Variants in TLN2 observed in about 807,000 individuals in gnomAD.
TLN2 encodes the protein talin 2.
A neutral mutation model predicts 294.7 loss-of-function variants in TLN2; 118 were observed. The ratio of observed to expected loss-of-function variants is 0.40; its 90% CI spans 0.34 to 0.47. The LOEUF is 0.47. Among genes scored for constraint, TLN2 ranks in the 20% least tolerant of loss-of-function variants. The pLI is 0.84. For missense variants in TLN2, 3,083 were observed against 3,282.2 expected (o/e 0.94, Z 1.48); for synonymous variants, 1,431 against 1,304.5 (o/e 1.10, Z -2.09).
intron 3 of TLN2, among the ~76,000 whole-genome samples, chr15:62,646,062 C>T (rs1430221445): frequency 3.3e-5 from 5 of 152,180 alleles, no homozygotes; most frequent in Non-Finnish European, 7.3e-5. Context: ...AGGAAAAACA[C>T]TGAGTTGTTG....
At chr15:62,604,537 A>G (rs1431864869) in intron 2 of TLN2, among the ~76,000 whole-genome samples, 1 of 150,118 alleles carries the variant, frequency 6.7e-6, no homozygotes, top group Non-Finnish European at 1.5e-5. Flanking sequence ...AAAAAAAAAA[A>G]AAAAAAAAAG....
At chr15:62,576,060 T>A (rs1314401368) in intron 1 of TLN2, among the ~76,000 whole-genome samples, 1 of 152,154 alleles carries the variant, frequency 6.6e-6, no homozygotes, top group Non-Finnish European at 1.5e-5. Context: ...GTGGGGTGAT[T>A]ATGTGATATT....
chr15:62,733,071 G>A (rs2060817456), intron 28 of TLN2, among the ~76,000 whole-genome samples: 1 of 152,126 alleles, frequency 6.6e-6, no homozygotes, highest in African/African-American at 2.4e-5. Flanking sequence ...AACAGGGAGT[G>A]GTAGAGTGAG....
rs1442197889 is a variant in TLN2 at position 62,841,792 on chromosome 15, T to TA, written c.*1183dup. Reference sequence around the variant, plus strand: ...CCATAGGAAGGGAAGGGCTTGAATTTACCCTTAATCTGCACCTTTAGCCAA... The same window carrying TA: ...CCATAGGAAGGGAAGGGCTTGAATTTAACCCTTAATCTGCACCTTTAGCCAA... On this transcript the variant is annotated 3_prime_UTR_variant, in exon 59 of 59. Transcript: ENST00000636159. 6.6e-6 allele frequency: 1 copy of TA among 152,198 alleles called. No homozygotes were observed. The highest frequency in any genetic ancestry group is 1.5e-5 in the Non-Finnish European group (1 of 68,036). The allele number at this position is 152,198 out of a possible 1,614,324, so 9.4% of individuals were successfully genotyped here.
intron 32 of TLN2, among the ~76,000 whole-genome samples, chr15:62,742,068 T>TGA (rs1274237810): frequency 3.4e-5 from 5 of 146,268 alleles, no homozygotes; most frequent in East Asian, 2.0e-4. Context: ...TGTGTGTGTG[T>TGA]GTGTGTGAAG....
intron 1 of TLN2, among the ~76,000 whole-genome samples, chr15:62,411,031 A>G (rs568690868): frequency 6.6e-6 from 1 of 152,204 alleles, no homozygotes; most frequent in Non-Finnish European, 1.5e-5. Context: ...GGAGTCATTC[A>G]TCAGTTTGGC....
At chr15:62,605,679 C>A (rs2047375253) in intron 2 of TLN2, among the ~76,000 whole-genome samples, 1 of 152,182 alleles carries the variant, frequency 6.6e-6, no homozygotes, top group South Asian at 2.1e-4. Flanking sequence ...TTGTGGATAA[C>A]CGTGTGCTCT....
intron 2 of TLN2, among the ~76,000 whole-genome samples, chr15:62,590,215 A>T (rs1280609306): frequency 6.6e-6 from 1 of 151,988 alleles, no homozygotes; most frequent in Non-Finnish European, 1.5e-5. Context: ...TCGTAGGTAA[A>T]CGTGTCATGG....
rs369829222 is a variant in TLN2, at chr15:62,593,908, G to A, written c.-162+4146G>A. On this transcript the variant is annotated intron_variant, in intron 2 of 58. Transcript: ENST00000636159. ...TTGAGGAAAATCCTGCTGCTGTGAT[G>A]TAAACAATGATCTTATGGAGGATCT... 3.9e-5 allele frequency among the ~76,000 whole-genome samples: 6 copies of A among 152,308 alleles called. No homozygotes were observed. The East Asian group carries it at 1.2e-3, about 29-fold the overall frequency.
At chr15:62,594,156 A>AT (rs1002588322) in intron 2 of TLN2, among the ~76,000 whole-genome samples, 4 of 152,218 alleles carry the variant, frequency 2.6e-5, no homozygotes, top group Admixed American at 2.0e-4. Context: ...GTGGAACAGA[A>AT]TAGAGAGCCC....
At chr15:62,455,894 A>T (rs958401567) in intron 1 of TLN2, among the ~76,000 whole-genome samples, 3 of 152,050 alleles carry the variant, frequency 2.0e-5, no homozygotes, top group Non-Finnish European at 4.4e-5. Flanking sequence ...CCTGAGCTTT[A>T]CATCTTGGCC....
At chr15:62,433,337 C>T (rs1015739645) in intron 1 of TLN2, among the ~76,000 whole-genome samples, 4 of 152,268 alleles carry the variant, frequency 2.6e-5, no homozygotes, top group Middle Eastern at 3.4e-3. Context: ...TGTGGTATCC[C>T]TCTGGACTAA....
At chr15:62,829,877 T>G (rs2068613078) in intron 54 of TLN2, 1 of 152,170 alleles carries the variant, frequency 6.6e-6, no homozygotes, top group Admixed American at 6.5e-5. Flanking sequence ...CACAAATAAG[T>G]GGGAACATAC....
At chr15:62,826,580 A>T (rs1037846316) in intron 54 of TLN2, among the ~76,000 whole-genome samples, 25 of 152,152 alleles carry the variant, frequency 1.6e-4, no homozygotes, top group Non-Finnish European at 5.9e-5. Context: ...AAGCCACCCC[A>T]TCCATGGGTC....
chr15:62,409,966 G>A (rs754674047), intron 1 of TLN2, among the ~76,000 whole-genome samples: 26 of 152,280 alleles, frequency 1.7e-4, no homozygotes, highest in Middle Eastern at 3.4e-3. Flanking sequence ...AGCTAGGTCC[G>A]GGTGCAGTGG....
intron 1 of TLN2, among the ~76,000 whole-genome samples, chr15:62,528,175 G>A (rs2040840916): frequency 1.3e-5 from 2 of 152,146 alleles, no homozygotes; most frequent in South Asian, 4.2e-4. Flanking sequence ...GGTTACTGAA[G>A]CCAAAATATA....
chr15:62,629,159 C>G (rs2049552247), intron 3 of TLN2, among the ~76,000 whole-genome samples: 1 of 152,206 alleles, frequency 6.6e-6, no homozygotes, highest in Non-Finnish European at 1.5e-5. Flanking sequence ...CGCCACCACA[C>G]TCCAGCCTGG....
intron 54 of TLN2, among the ~76,000 whole-genome samples, chr15:62,821,997 C>T (rs1429145990): frequency 1.3e-5 from 2 of 152,114 alleles, no homozygotes; most frequent in Non-Finnish European, 2.9e-5. Flanking sequence ...CCGCTAATGC[C>T]GAAGCCATGT....
intron 1 of TLN2, among the ~76,000 whole-genome samples, chr15:62,516,082 T>C (rs1026619179): frequency 6.6e-6 from 1 of 152,258 alleles, no homozygotes; most frequent in African/African-American, 2.4e-5. Context: ...GATCATCCAA[T>C]GCAACCATCT....
Sources: gnomAD v4.1 joint callset for allele counts (sites outside exome capture counted in the v4.1 genomes callset) on GRCh38, gnomAD v4.1.1 for gene constraint, MANE v1.5 for transcripts, NCBI Gene and HGNC (gene_info 2026-07-23, HGNC 2026-07-21) for gene names.